Variants in C17orf67 observed in about 807,000 individuals in gnomAD.
The protein encoded by C17orf67 is chromosome 17 open reading frame 67.
Under a neutral mutation model 11.2 loss-of-function variants are expected in C17orf67, and 12 were observed. The observed-to-expected ratio is 1.07, with a 90% CI of 0.68 to 1.73. C17orf67 has a LOEUF of 1.73. C17orf67 is among the 40% of genes most tolerant of loss of function. The probability of loss-of-function intolerance (pLI) is 0.00; values close to 1 mark genes in which losing one functional copy is unlikely to be tolerated. For missense variants in C17orf67, 115 were observed against 113.5 expected (o/e 1.01, Z -0.06); for synonymous variants, 59 against 46.9 (o/e 1.26, Z -1.05).
At chr17:56,793,367 G>A (rs1353175103) in intron 7 of C17orf67, among the ~76,000 whole-genome samples, 1 of 152,032 alleles carries the variant, frequency 6.6e-6, no homozygotes, top group Non-Finnish European at 1.5e-5. Flanking sequence ...ATGTAAGTGG[G>A]AGCTGCCTGG....
At chr17:56,818,164 A>G (rs578109513) in intron 4 of C17orf67, among the ~76,000 whole-genome samples, 14 of 152,044 alleles carry the variant, frequency 9.2e-5, no homozygotes, top group South Asian at 2.1e-4. Context: ...TTTAAAAAAA[A>G]AAAAAAGAAA....
At chr17:56,819,586 G>T (rs1905848130) in intron 4 of C17orf67, among the ~76,000 whole-genome samples, 1 of 152,200 alleles carries the variant, frequency 6.6e-6, no homozygotes, top group South Asian at 2.1e-4. Context: ...CAAGTCTCGG[G>T]TGGGGAGGGC....
intron 2 of C17orf67, among the ~76,000 whole-genome samples, chr17:56,832,372 C>T (rs1249409858): frequency 2.0e-5 from 3 of 152,156 alleles, no homozygotes; most frequent in African/African-American, 7.2e-5. Flanking sequence ...TACAAGCAGC[C>T]CCTGATGTCC....
intron 6 of C17orf67, among the ~76,000 whole-genome samples, chr17:56,804,885 T>G (rs1389666587): frequency 6.6e-6 from 1 of 152,210 alleles, no homozygotes; most frequent in Non-Finnish European, 1.5e-5. Flanking sequence ...TAAGAGAAAT[T>G]TAATGAGTCT....
In C17orf67 at chr17:56,824,838, G is replaced by A. The variant is rs1277762809; in HGVS notation, c.-300C>T. ...TTTCAAACAAAACTGTATCATTCAGGGATACCCTTAGGCATCTATAAAGAA... is the reference window on the plus strand; with the variant it reads ...TTTCAAACAAAACTGTATCATTCAGAGATACCCTTAGGCATCTATAAAGAA... On this transcript the variant is annotated 5_prime_UTR_variant, in exon 4 of 8. Transcript: ENST00000397861. 1.3e-5 allele frequency: 2 copies of A among 152,174 alleles called. No individual in the cohort carries two copies. Among genetic ancestry groups the A allele is most frequent in the Admixed American group, 6.5e-5 (1 of 15,272 alleles). The allele number at this position is 152,174 out of a possible 1,614,324, so 9.4% of individuals were successfully genotyped here. A position where few individuals can be genotyped will look rare whatever the true frequency, so the allele number is the denominator to read the frequency against.
At chr17:56,810,971 A>C (rs1207523011) in intron 6 of C17orf67, among the ~76,000 whole-genome samples, 2 of 152,242 alleles carry the variant, frequency 1.3e-5, no homozygotes, top group Non-Finnish European at 2.9e-5. Context: ...GAGTGGGTCA[A>C]ATGGTAAGTC....
At chr17:56,807,903 T>TAAAA (rs922304093) in intron 6 of C17orf67, among the ~76,000 whole-genome samples, 1 of 144,424 alleles carries the variant, frequency 6.9e-6, no homozygotes, top group African/African-American at 2.6e-5. Flanking sequence ...AATAAATAAA[T>TAAAA]AATAAATAAA....
intron 6 of C17orf67, among the ~76,000 whole-genome samples, chr17:56,806,441 T>C (rs1284844849): frequency 6.6e-6 from 1 of 152,228 alleles, no homozygotes; most frequent in Non-Finnish European, 1.5e-5. Flanking sequence ...GATGATACAG[T>C]TAAACGTCAA....
chr17:56,806,979 A>G (rs1263823723), intron 6 of C17orf67, among the ~76,000 whole-genome samples: 40 of 152,160 alleles, frequency 2.6e-4, no homozygotes, highest in Admixed American at 2.6e-3. Context: ...AAAACAGTGT[A>G]TTTTGTTTGG....
At chr17:56,822,449 A>AT (rs1905926770) in intron 4 of C17orf67, among the ~76,000 whole-genome samples, 1 of 152,158 alleles carries the variant, frequency 6.6e-6, no homozygotes, top group Non-Finnish European at 1.5e-5. Context: ...CATTGGGGAA[A>AT]TTTCTTAACT....
At chr17:56,806,334 G>A (rs7219961) in intron 6 of C17orf67, among the ~76,000 whole-genome samples, 118,371 of 152,062 alleles carry the variant, frequency 0.78, 46,182 homozygotes, top group Middle Eastern at 0.85. Flanking sequence ...TCAATAGTAC[G>A]TGTGAAAGGT....
At chr17:56,826,470 C>G (rs6503769) in intron 2 of C17orf67, among the ~76,000 whole-genome samples, 128,433 of 152,118 alleles carry the variant, frequency 0.84, 54,443 homozygotes, top group East Asian at 0.93. Flanking sequence ...TCCAGGTTCT[C>G]TTCCCAGGCC....
intron 6 of C17orf67, among the ~76,000 whole-genome samples, chr17:56,810,157 C>CAG (rs975930562): frequency 5.0e-5 from 6 of 120,846 alleles, no homozygotes; most frequent in African/African-American, 1.9e-4. Flanking sequence ...ACCCCTCACA[C>CAG]CCCCACCTCA....
chr17:56,808,029 T>C (rs1905499173), intron 6 of C17orf67, among the ~76,000 whole-genome samples: 1 of 152,168 alleles, frequency 6.6e-6, no homozygotes, highest in Admixed American at 6.5e-5. Flanking sequence ...AGAGGGTTCA[T>C]CCCATTCCTA....
At chr17:56,827,487 A>T (rs1379985327) in intron 2 of C17orf67, among the ~76,000 whole-genome samples, 3 of 152,256 alleles carry the variant, frequency 2.0e-5, no homozygotes, top group Non-Finnish European at 4.4e-5. Flanking sequence ...TCTGCATTTT[A>T]ACAAGATTCC....
At chr17:56,826,888 A>C (rs890593849) in intron 2 of C17orf67, among the ~76,000 whole-genome samples, 11 of 152,224 alleles carry the variant, frequency 7.2e-5, no homozygotes, top group Admixed American at 3.3e-4. Flanking sequence ...CATGGTGCAT[A>C]GCAAGTGCAG....
chr17:56,814,441 C>T (rs960019901), intron 6 of C17orf67, among the ~76,000 whole-genome samples: 1 of 152,152 alleles, frequency 6.6e-6, no homozygotes, highest in Non-Finnish European at 1.5e-5. Flanking sequence ...CAGAGCAGAA[C>T]CCCTCAGGCA....
At chr17:56,793,269 C>T (rs1326930546) in intron 7 of C17orf67, among the ~76,000 whole-genome samples, 1 of 152,038 alleles carries the variant, frequency 6.6e-6, no homozygotes, top group Non-Finnish European at 1.5e-5. Flanking sequence ...GGTTATTCAG[C>T]CAGTGACTGG....
At position 56,814,875 on chromosome 17, in the gene C17orf67, T is replaced by C. The variant is rs189191395; in HGVS notation, c.150A>G (p.Pro50=). The change falls in exon 6 of 8, where the codon CCA becomes CCG. Residue 50 remains proline, a synonymous_variant. Transcript: ENST00000397861. ...GCCAGAGCAAAGCACTCACCCGCAT[T>C]GGCTCATCGGGGAATCCGGGTTTGC... ...RPSKPGFPDE[P]MREYMHHLLA... 2 of 1,614,014 alleles carry C rather than the reference T, an allele frequency of 1.2e-6. No homozygotes were observed. Among genetic ancestry groups the C allele is most frequent in the East Asian group, 4.5e-5 (2 of 44,880 alleles).
Sources: allele counts gnomAD v4.1 joint callset (sites outside exome capture counted in the v4.1 genomes callset), GRCh38; gene constraint gnomAD v4.1.1; transcripts MANE v1.5; gene names NCBI Gene and HGNC (gene_info 2026-07-23, HGNC 2026-07-21).